Variants in GNB5 observed in about 807,000 individuals in gnomAD.
The protein encoded by GNB5 is guanine nucleotide-binding protein subunit beta-5.
A neutral mutation model predicts 55.3 loss-of-function variants in GNB5; 37 were observed. The ratio of observed to expected loss-of-function variants is 0.67; its 90% CI spans 0.51 to 0.88. The LOEUF (loss-of-function observed/expected upper bound fraction) is 0.88. GNB5 is among the 40% of genes least tolerant of loss of function. The pLI is 0.00. For missense variants in GNB5, 476 were observed against 515.3 expected, an observed-to-expected ratio of 0.92 and a Z score of 0.74; for synonymous variants, 219 against 198.5, an observed-to-expected ratio of 1.10 and a Z score of -0.87.
intron 7 of GNB5, among the ~76,000 whole-genome samples, chr15:52,139,194 C>A (rs971039837): frequency 2.6e-5 from 4 of 152,208 alleles, no homozygotes; most frequent in African/African-American, 9.6e-5. Context: ...ATAATCCCAG[C>A]ACTTTGGGAG....
rs2033376615 is a variant in GNB5 at position 52,124,714 on chromosome 15, C to T, written c.1010-75G>A. 4 of 1,278,998 alleles carry T rather than the reference C, an allele frequency of 3.1e-6. No individual in the cohort carries two copies. In the Admixed American group the frequency reaches 7.3e-5, roughly 23 times the overall value. The allele number at this position is 1,278,998 out of a possible 1,614,324, so 79.2% of individuals were successfully genotyped here. A position where few individuals can be genotyped will look rare whatever the true frequency, so the allele number is the denominator to read the frequency against. On this transcript the variant is annotated intron_variant, in intron 11 of 12. Coordinates refer to ENST00000261837, the MANE Select transcript of GNB5 (RefSeq NM_016194.4). Reference sequence around the variant, plus strand: ...TTTCTCATTACATGACTGTTACTCACTCATTCAGTAAGCAGTGATTCAGGC... The same window carrying T: ...TTTCTCATTACATGACTGTTACTCATTCATTCAGTAAGCAGTGATTCAGGC...
At chr15:52,159,246 G>A (rs2034280677) in intron 3 of GNB5, among the ~76,000 whole-genome samples, 1 of 152,134 alleles carries the variant, frequency 6.6e-6, no homozygotes, top group South Asian at 2.1e-4. Flanking sequence ...GTCATCAGAA[G>A]AGTGGCATGG....
chr15:52,124,775 A>G (rs760546261), intron 11 of GNB5, 136 bp from the exon 12 acceptor site: 48 of 711,738 alleles, frequency 6.7e-5, no homozygotes, highest in Middle Eastern at 5.7e-4. Context: ...TGCCTCAAGG[A>G]TTCAAAGGGG....
chr15:52,136,064 AACACACACACACACACAC>A (rs147163026), intron 7 of GNB5, among the ~76,000 whole-genome samples: 2 of 98,016 alleles, frequency 2.0e-5, no homozygotes, highest in African/African-American at 4.5e-5. Flanking sequence ...GGAAAAGCAG[AACACACACACACACACAC>A]ACACACACAC....
chr15:52,167,157 A>G (rs2034466548), intron 3 of GNB5, among the ~76,000 whole-genome samples: 1 of 152,208 alleles, frequency 6.6e-6, no homozygotes, highest in Admixed American at 6.5e-5. Flanking sequence ...TAGGCCAATA[A>G]TGAGGTCTGA....
chr15:52,168,992 T>C (rs1376947125), intron 3 of GNB5, among the ~76,000 whole-genome samples: 1 of 152,158 alleles, frequency 6.6e-6, no homozygotes, highest in African/African-American at 2.4e-5. Context: ...AAGACTTAAA[T>C]GTAAAACCCC....
In GNB5 at chr15:52,120,203, G is replaced by A. The variant is rs1165251718; in HGVS notation, c.*2554C>T. On this transcript the variant is annotated 3_prime_UTR_variant, in exon 13 of 13. Transcript: ENST00000261837. ...CCCTTCACCACAATTGGTTTGGTAG[G>A]TTTATCCCCAAGTCCTCTGGAAAAA... is the stretch of plus-strand genomic sequence containing the variant. The A allele has an allele frequency of 6.6e-6, 1 of 152,202 alleles. No individual in the cohort carries two copies. The highest frequency in any genetic ancestry group is 1.5e-5 in the Non-Finnish European group (1 of 68,044). 9.4% of individuals were successfully genotyped at this position (152,202 alleles called of 1,614,324 possible).
intron 3 of GNB5, among the ~76,000 whole-genome samples, chr15:52,174,480 GGCT>G: frequency 6.6e-6 from 1 of 152,256 alleles, no homozygotes; most frequent in Middle Eastern, 3.4e-3. Context: ...TGGGGCTTGG[GGCT>G]GTGGAGTTTG....
At position 52,159,012 on chromosome 15, in the gene GNB5, T is replaced by C. The variant is rs1353011024; in HGVS notation, c.239-4936A>G. ...TGGTATCTGAGCTCAGTCGAAAGGA[T>C]AAAAAGGTGAGTCAGATGAGAGGAG... is the stretch of plus-strand genomic sequence containing the variant. On this transcript the variant is annotated intron_variant, in intron 3 of 12. Coordinates refer to ENST00000261837, the MANE Select transcript of GNB5 (RefSeq NM_016194.4). Among the ~76,000 whole-genome samples, 3 of 151,996 alleles carry C rather than the reference T, an allele frequency of 2.0e-5. No homozygotes were observed. The East Asian group carries it at 5.8e-4, about 29-fold the overall frequency.
intron 4 of GNB5, among the ~76,000 whole-genome samples, chr15:52,150,803 C>G (rs2034075761): frequency 6.6e-6 from 1 of 152,236 alleles, no homozygotes; most frequent in African/African-American, 2.4e-5. Flanking sequence ...TCTGCCCAGA[C>G]CATGGCATGC....
At chr15:52,135,492 A>T in intron 8 of GNB5, 121 bp downstream of exon 8, 1 of 888,742 alleles carries the variant, frequency 1.1e-6, no homozygotes, top group Middle Eastern at 2.3e-4. Context: ...GGAGTTGAGA[A>T]CAATTCCTGC....
At chr15:52,137,837 C>A in intron 7 of GNB5, 1 of 1,284,018 alleles carries the variant, frequency 7.8e-7, no homozygotes, top group Non-Finnish European at 1.0e-6. Context: ...GCTCTCCCTG[C>A]CTTCTGGCTG....
intron 3 of GNB5, among the ~76,000 whole-genome samples, chr15:52,177,172 T>C (rs968021512): frequency 6.6e-6 from 1 of 151,428 alleles, no homozygotes; most frequent in Non-Finnish European, 1.5e-5. Flanking sequence ...GTAGCTGAGA[T>C]TACAGGCACC....
At chr15:52,147,379 CTTGT>C (rs570607323) in intron 6 of GNB5, 76 bp downstream of exon 6, 232 of 836,982 alleles carry the variant, frequency 2.8e-4, no homozygotes, top group Middle Eastern at 2.5e-3. Context: ...ACTGTGAGTT[CTTGT>C]TTGTTTGTTT....
rs530447324 is a variant in GNB5 at position 52,126,856 on chromosome 15, G to A, written c.913-812C>T. On this transcript the variant is annotated intron_variant, in intron 10 of 12. Transcript: ENST00000261837. Reference sequence around the variant, plus strand: ...GTCACCCAGGCTGGAGTGCAATGGCGCTATCTTGGCTCACTGCAACCTCTG... The same window carrying A: ...GTCACCCAGGCTGGAGTGCAATGGCACTATCTTGGCTCACTGCAACCTCTG... Among the ~76,000 whole-genome samples, 6 of 152,224 alleles carry A rather than the reference G, an allele frequency of 3.9e-5. No individual in the cohort carries two copies. In the South Asian group the frequency reaches 1.2e-3, roughly 32 times the overall value.
At chr15:52,174,717 T>C (rs2034617217) in intron 3 of GNB5, among the ~76,000 whole-genome samples, 1 of 152,132 alleles carries the variant, frequency 6.6e-6, no homozygotes, top group South Asian at 2.1e-4. Context: ...TCCAAGCCAA[T>C]AGGAGGTAAC....
chr15:52,152,777 C>T (rs137949034), intron 4 of GNB5, among the ~76,000 whole-genome samples: 1,888 of 152,122 alleles, frequency 0.012, 25 homozygotes, highest in African/African-American at 0.039. Context: ...ACTACAGGCA[C>T]GCACCACCAT....
Position 52,136,465 on chromosome 15 carries a change from C to T in GNB5, c.628-709G>A, listed in dbSNP as rs1016749300. Among the ~76,000 whole-genome samples, 7 of 152,180 alleles carry T rather than the reference C, an allele frequency of 4.6e-5. No homozygotes were observed. In the South Asian group the frequency reaches 1.4e-3, roughly 31 times the overall value. ...ATACTGATGCATACACATCACTGGGCTGCTTGCTAATAGAGTCTGGGGTGG... is the reference window on the plus strand; with the variant it reads ...ATACTGATGCATACACATCACTGGGTTGCTTGCTAATAGAGTCTGGGGTGG... On this transcript the variant is annotated intron_variant, in intron 7 of 12. Transcript: ENST00000261837.
intron 1 of GNB5, among the ~76,000 whole-genome samples, chr15:52,186,998 T>C (rs1463933110): frequency 6.6e-6 from 1 of 152,168 alleles, no homozygotes; most frequent in African/African-American, 2.4e-5. Flanking sequence ...AGGCAGGACA[T>C]CTGTGTTACA....
Sources: allele counts gnomAD v4.1 joint callset (sites outside exome capture counted in the v4.1 genomes callset), GRCh38; gene constraint gnomAD v4.1.1; transcripts MANE v1.5; gene names NCBI Gene and HGNC (gene_info 2026-07-23, HGNC 2026-07-21).